The following PLCZ1 variants were observed in gnomAD, a reference collection of about 807,000 sequenced individuals.
The protein encoded by PLCZ1 is 1-phosphatidylinositol 4,5-bisphosphate phosphodiesterase zeta-1.
PLCZ1 carries 64 observed loss-of-function variants against 76.8 expected under a neutral mutation model. The ratio of observed to expected loss-of-function variants is 0.83; its 90% confidence interval spans 0.68 to 1.03. PLCZ1 has a LOEUF of 1.03. PLCZ1 is among the 50% of genes least tolerant of loss of function. PLCZ1 has a pLI of 0.00. For synonymous variants in PLCZ1, 248 were observed against 230.8 expected (o/e 1.07, Z -0.68); for missense variants, 751 against 713.7 (o/e 1.05, Z -0.60).
chr12:18,731,064 G>A (rs1366184782), intron 3 of PLCZ1: 2 of 151,866 alleles, frequency 1.3e-5, no homozygotes, highest in African/African-American at 4.9e-5. Flanking sequence ...GGGGTCTCCT[G>A]AGAAGTACAA....
chr12:18,665,891 C>T, the PLCZ1 span, among the ~76,000 whole-genome samples: 7 of 149,752 alleles, frequency 4.7e-5, no homozygotes, highest in African/African-American at 9.8e-5. Flanking sequence ...GCCAAGATCG[C>T]GCCATTGTAC....
the PLCZ1 span, among the ~76,000 whole-genome samples, chr12:18,655,388 G>A: frequency 3.9e-5 from 6 of 151,988 alleles, no homozygotes; most frequent in African/African-American, 1.5e-4. Context: ...AGTTATCCAC[G>A]AATCCACACT....
intron 3 of PLCZ1, among the ~76,000 whole-genome samples, chr12:18,731,317 T>C (rs974679194): frequency 6.6e-6 from 1 of 151,960 alleles, no homozygotes; most frequent in Non-Finnish European, 1.5e-5. Context: ...CTGTTTCCTA[T>C]AATAATGATG....
At position 18,719,454 on chromosome 12, in the gene PLCZ1, T is replaced by A. The variant is rs145460488; in HGVS notation, c.546A>T (p.Pro182=). Residue 182 remains proline (P), a synonymous_variant, in exon 5 of 15, where the codon CCA becomes CCT. Coordinates refer to ENST00000266505, the MANE Select transcript of PLCZ1 (RefSeq NM_033123.4). ...TYLVSDQLLG[P]SDLWGYVSAL... is the part of the protein sequence containing the mutation. Reference sequence around the variant, plus strand: ...ACCTTACATATCCCCAAAGGTCACTTGGTCCCAATAATTGATCAGATACCA... The same window carrying A: ...ACCTTACATATCCCCAAAGGTCACTAGGTCCCAATAATTGATCAGATACCA... 1 of 1,539,188 alleles carries A rather than the reference T, an allele frequency of 6.5e-7. No homozygotes were observed. Among genetic ancestry groups the A allele is most frequent in the East Asian group, 2.3e-5 (1 of 43,116 alleles).
downstream of PLCZ1, among the ~76,000 whole-genome samples, chr12:18,680,748 G>T (rs1952333500): frequency 6.6e-6 from 1 of 152,030 alleles, no homozygotes; most frequent in Non-Finnish European, 1.5e-5. Context: ...GGAAGCCATA[G>T]GGCATCTCAG....
rs778205485 is a variant in PLCZ1 at position 18,719,550 on chromosome 12, ACATT to A, written c.446_449del (p.Glu149ValfsTer8). Reference sequence around the variant, plus strand: ...GAGTCATATCTTGATAAACTTTTCTACATTCATTTTTAAACAGTAGACATTCACG... The same window carrying A: ...GAGTCATATCTTGATAAACTTTTCTACATTTTTAAACAGTAGACATTCACG... On this transcript the variant is annotated frameshift_variant, in exon 5 of 15. Coordinates refer to ENST00000266505, the MANE Select transcript of PLCZ1 (RefSeq NM_033123.4). LOFTEE classifies it high-confidence loss of function. 1.2e-6 allele frequency: 2 copies of A among 1,601,904 alleles called. No individual in the cohort carries two copies. Among genetic ancestry groups the A allele is most frequent in the South Asian group, 2.2e-5 (2 of 89,080 alleles).
At position 18,719,453 on chromosome 12, in the gene PLCZ1, T is replaced by A. The variant is rs768546809; in HGVS notation, c.547A>T (p.Ser183Cys). Residue 183 changes from serine (S) to cysteine (C), a missense_variant, in exon 5 of 15, where the codon AGT (serine) becomes TGT (cysteine). Ser to Cys is a moderately radical substitution (Grantham distance 112). Coordinates refer to ENST00000266505, the MANE Select transcript of PLCZ1 (RefSeq NM_033123.4). ...TACCTTACATATCCCCAAAGGTCAC[T>A]TGGTCCCAATAATTGATCAGATACC... ...YLVSDQLLGP[S>C]DLWGYVSALV... 28 of 1,538,920 alleles carry A rather than the reference T, an allele frequency of 1.8e-5. No individual in the cohort carries two copies.
chr12:18,664,245 C>T, the PLCZ1 span, among the ~76,000 whole-genome samples: 3 of 152,152 alleles, frequency 2.0e-5, no homozygotes, highest in Non-Finnish European at 4.4e-5. Context: ...ATAGATTTAC[C>T]ACATAATCCT....
At chr12:18,727,735 G>A (rs977078369) in intron 3 of PLCZ1, among the ~76,000 whole-genome samples, 1 of 152,164 alleles carries the variant, frequency 6.6e-6, no homozygotes, top group Admixed American at 6.5e-5. Context: ...AAATCCCATA[G>A]ATTTTCGTTC....
chr12:18,693,094 C>T, intron 12 of PLCZ1: 1 of 1,522,264 alleles, frequency 6.6e-7, no homozygotes, highest in Non-Finnish European at 9.1e-7. Context: ...AGGGGGACCC[C>T]AATGTCAGTA....
chr12:18,725,619 A>G (rs1170951732), intron 3 of PLCZ1, among the ~76,000 whole-genome samples: 1 of 152,068 alleles, frequency 6.6e-6, no homozygotes, highest in African/African-American at 2.4e-5. Flanking sequence ...ACAAAACCCC[A>G]ACTGTATTGT....
intron 10 of PLCZ1, among the ~76,000 whole-genome samples, chr12:18,697,021 C>T (rs1955160828): frequency 1.3e-5 from 2 of 152,104 alleles, no homozygotes; most frequent in African/African-American, 4.8e-5. Context: ...ATTTAAGTCA[C>T]TTGAGATTCA....
intron 3 of PLCZ1, among the ~76,000 whole-genome samples, chr12:18,731,316 A>G (rs774428554): frequency 1.4e-4 from 21 of 152,002 alleles, no homozygotes; most frequent in Non-Finnish European, 2.8e-4. Flanking sequence ...ACTGTTTCCT[A>G]TAATAATGAT....
intron 6 of PLCZ1, among the ~76,000 whole-genome samples, chr12:18,711,181 A>G (rs191130410): frequency 6.6e-6 from 1 of 152,142 alleles, no homozygotes; most frequent in Non-Finnish European, 1.5e-5. Context: ...GGGAACATAT[A>G]CACCATGGAA....
the PLCZ1 span, among the ~76,000 whole-genome samples, chr12:18,654,808 C>T: frequency 6.6e-6 from 1 of 152,024 alleles, no homozygotes; most frequent in African/African-American, 2.4e-5. Flanking sequence ...TGACAAACAT[C>T]GAACTCACCG....
the PLCZ1 span, among the ~76,000 whole-genome samples, chr12:18,656,469 G>C: frequency 1.3e-5 from 2 of 152,164 alleles, no homozygotes; most frequent in East Asian, 3.9e-4. Flanking sequence ...GGAAGGCTGA[G>C]GCAGAGAATT....
the PLCZ1 span, among the ~76,000 whole-genome samples, chr12:18,671,786 A>G: frequency 3.3e-3 from 503 of 152,340 alleles, 5 homozygotes; most frequent in African/African-American, 0.011. Flanking sequence ...TAACAAAAAT[A>G]TCATCCATGG....
chr12:18,698,687 G>A (rs796562421), intron 10 of PLCZ1, among the ~76,000 whole-genome samples: 4 of 152,020 alleles, frequency 2.6e-5, no homozygotes, highest in African/African-American at 7.2e-5. Context: ...TGGAGTACAC[G>A]AGATATTTTG....
At chr12:18,667,368 T>C in the PLCZ1 span, among the ~76,000 whole-genome samples, 3 of 152,142 alleles carry the variant, frequency 2.0e-5, no homozygotes, top group Non-Finnish European at 4.4e-5. Flanking sequence ...TATAAACTGA[T>C]GGGCACCTGG....
Sources: allele counts gnomAD v4.1 joint callset (sites outside exome capture counted in the v4.1 genomes callset), GRCh38; gene constraint gnomAD v4.1.1; transcripts MANE v1.5; gene names NCBI Gene and HGNC (gene_info 2026-07-23, HGNC 2026-07-21).